The following DNPEP variants were observed in gnomAD, a reference collection of about 807,000 sequenced individuals.
DNPEP encodes the protein aspartyl aminopeptidase.
In DNPEP, 46 loss-of-function variants were observed where a neutral mutation model predicts 59.1. That is an observed-to-expected ratio of 0.78 (90% CI 0.61 to 0.99). DNPEP has a LOEUF of 0.99. DNPEP is among the 50% of genes least tolerant of loss of function. The pLI is 0.00. For synonymous variants in DNPEP, 229 were observed against 242.2 expected, an observed-to-expected ratio of 0.95 and a Z score of 0.50; for missense variants, 617 against 649.9, an observed-to-expected ratio of 0.95 and a Z score of 0.55.
Position 219,387,151 on chromosome 2 carries a change from C to T in DNPEP, c.49G>A (p.Gly17Ser), listed in dbSNP as rs1953881336. 2.6e-6 allele frequency: 4 copies of T among 1,560,042 alleles called. No homozygotes were observed. The highest frequency in any genetic ancestry group is 3.5e-6 in the Non-Finnish European group (4 of 1,151,372). Residue 17 changes from glycine (G) to serine (S), a missense_variant, in exon 2 of 15, where the codon GGT becomes AGT. Coordinates refer to ENST00000273075, the MANE Select transcript of DNPEP (RefSeq NM_012100.4). ...TRGAMQVAMN[G>S]KARKEAVQTA... ...TGCACCGCCTCTTTGCGGGCCTTAC[C>T]GTTCATGGCCACCTAGGGGAGGGGG... is the stretch of plus-strand genomic sequence containing the variant.
chr2:219,375,255 A>AGGG (rs1953324695), intron 13 of DNPEP, among the ~76,000 whole-genome samples: 1 of 152,196 alleles, frequency 6.6e-6, no homozygotes, highest in African/African-American at 2.4e-5. Context: ...CACAGCAGGA[A>AGGG]GGGGGATTTT....
chr2:219,381,386 C>T lies in DNPEP; in HGVS notation c.1188G>A (p.Val396=). ...CCACCTCTCGGATCAGGGCCTCTGA[C>T]ACCGCGTTTGAAGCATAGCGTTGCT... is the stretch of plus-strand genomic sequence containing the variant. The part of the protein sequence containing the change: ...NSKQRYASNA[V]SEALIREVAN... Residue 396 remains valine (V), a synonymous_variant, in exon 13 of 15, where the codon GTG becomes GTA. Coordinates refer to ENST00000273075, the MANE Select transcript of DNPEP (RefSeq NM_012100.4). The T allele has an allele frequency of 6.2e-7, 1 of 1,614,250 alleles. No individual in the cohort carries two copies. The highest frequency in any genetic ancestry group is 1.3e-5 in the African/African-American group (1 of 75,064).
At chr2:219,387,358 A>T in intron 1 of DNPEP, 195 bp from the exon 2 acceptor site, 1 of 1,442,964 alleles carries the variant, frequency 6.9e-7, no homozygotes, top group South Asian at 1.5e-5. Flanking sequence ...CCGGCCCAGG[A>T]TCATGAGCCA....
In DNPEP at chr2:219,387,863, C is replaced by T; in HGVS notation, c.-69G>A. The stretch of plus-strand genomic sequence containing the variant: ...GCCCCTCACTAGCTTTGCAGGTCCC[C>T]CGCGTGCCCCTTCAGGCCGCGCCGC... On this transcript the variant is annotated 5_prime_UTR_variant, in exon 1 of 15. Coordinates refer to ENST00000273075, the MANE Select transcript of DNPEP (RefSeq NM_012100.4). The T allele has an allele frequency of 1.3e-6, 2 of 1,494,510 alleles. No individual in the cohort carries two copies. The highest frequency in any genetic ancestry group is 8.9e-7 in the Non-Finnish European group (1 of 1,123,846). 92.6% of individuals were successfully genotyped at this position (1,494,510 alleles called of 1,614,324 possible).
upstream of DNPEP, among the ~76,000 whole-genome samples, chr2:219,392,136 T>C (rs1954025786): frequency 1.3e-5 from 2 of 152,178 alleles, no homozygotes; most frequent in Admixed American, 1.3e-4. Flanking sequence ...AAGGGATGAC[T>C]AGGGATCAAG....
intron 4 of DNPEP, 76 bp downstream of exon 4, chr2:219,386,589 T>C (rs1295168876): frequency 6.8e-7 from 1 of 1,477,774 alleles, no homozygotes; most frequent in South Asian, 1.2e-5. Context: ...GGCCCCAGTT[T>C]GTACCTCCTA....
intron 10 of DNPEP, among the ~76,000 whole-genome samples, chr2:219,382,864 G>A (rs1015924721): frequency 5.9e-5 from 9 of 152,194 alleles, no homozygotes; most frequent in Non-Finnish European, 1.3e-4. Context: ...TGAGCCCTGG[G>A]GCTACGAGGA....
At chr2:219,384,682 C>T (rs1488236517) in intron 8 of DNPEP, 4 of 380,238 alleles carry the variant, frequency 1.1e-5, no homozygotes, top group Non-Finnish European at 2.0e-5. Flanking sequence ...GATTCTCGTG[C>T]CTCAGCCTCC....
chr2:219,374,726 C>T (rs1365532302), intron 14 of DNPEP, 129 bp downstream of exon 14: 2 of 1,133,312 alleles, frequency 1.8e-6, no homozygotes, highest in East Asian at 5.1e-5. Context: ...CCTACATGGC[C>T]CCAGCATGAC....
chr2:219,396,433 C>CA (rs1331152692), intron 1 of DNPEP, among the ~76,000 whole-genome samples: 1 of 151,818 alleles, frequency 6.6e-6, no homozygotes, highest in Non-Finnish European at 1.5e-5. Flanking sequence ...ACTAAAAATA[C>CA]AAAAATTAGC....
intron 10 of DNPEP, among the ~76,000 whole-genome samples, 170 bp from the exon 11 acceptor site, chr2:219,382,309 G>A (rs905405634): frequency 2.6e-5 from 4 of 152,176 alleles, no homozygotes; most frequent in Non-Finnish European, 5.9e-5. Flanking sequence ...AGTGGGCTGA[G>A]ACCAAACTAA....
In DNPEP at chr2:219,378,577, G is replaced by A. The variant is rs189414035; in HGVS notation, c.1239+2758C>T. On this transcript the variant is annotated intron_variant, in intron 13 of 14. Coordinates refer to ENST00000273075, the MANE Select transcript of DNPEP (RefSeq NM_012100.4). ...CACCTGCTATGATTGTCACTGGACC[G>A]CCCATGCCTGAGTCCCTGATATAGA... 2.2e-4 allele frequency among the ~76,000 whole-genome samples: 34 copies of A among 152,248 alleles called. No individual in the cohort carries two copies. In the East Asian group the frequency reaches 6.0e-3, roughly 27 times the overall value.
chr2:219,381,830 C>T (rs771987044), intron 11 of DNPEP, 149 bp downstream of exon 11: 48 of 1,004,822 alleles, frequency 4.8e-5, no homozygotes, highest in Non-Finnish European at 6.3e-5. Flanking sequence ...AAGTTGGTCT[C>T]GCAGTAGTGA....
chr2:219,389,787 C>CGT, upstream of DNPEP, among the ~76,000 whole-genome samples: 1 of 144,814 alleles, frequency 6.9e-6, no homozygotes. Context: ...GAGCTGAGAT[C>CGT]GTGCCACTGC....
chr2:219,381,307 C>T (rs1166568394), intron 13 of DNPEP, 28 bp downstream of exon 13: 8 of 1,605,592 alleles, frequency 5.0e-6, no homozygotes, highest in Admixed American at 1.7e-5. Flanking sequence ...CCCTCCATCA[C>T]ACCTTCCCAG....
chr2:219,399,947 C>T, exon 1 of DNPEP: 2 of 1,548,440 alleles, frequency 1.3e-6, no homozygotes, highest in Non-Finnish European at 1.7e-6. Context: ...CACCTCCTCC[C>T]AAGGCTGGAG....
intron 1 of DNPEP, among the ~76,000 whole-genome samples, chr2:219,398,972 CTTGTT>C (rs1172717058): frequency 2.0e-5 from 3 of 152,204 alleles, no homozygotes; most frequent in African/African-American, 7.2e-5. Flanking sequence ...CTGGATTTGT[CTTGTT>C]TATTTTAGTG....
At chr2:219,381,872 TGAA>T in intron 11 of DNPEP, 104 bp downstream of exon 11, 1 of 1,396,516 alleles carries the variant, frequency 7.2e-7, no homozygotes, top group Non-Finnish European at 9.8e-7. Flanking sequence ...CCCGGCAGAA[TGAA>T]GAAGGGAGAA....
At chr2:219,376,540 CA>C (rs989323853) in intron 13 of DNPEP, among the ~76,000 whole-genome samples, 10 of 151,402 alleles carry the variant, frequency 6.6e-5, no homozygotes, top group Middle Eastern at 3.2e-3. Context: ...CTTTCTTTGT[CA>C]CTATTTGAGA....
Sources: gnomAD v4.1 joint callset for allele counts (sites outside exome capture counted in the v4.1 genomes callset) on GRCh38, gnomAD v4.1.1 for gene constraint, MANE v1.5 for transcripts, NCBI Gene and HGNC (gene_info 2026-07-23, HGNC 2026-07-21) for gene names.